CNTNAP2: variants seen among roughly 807,000 people sequenced by gnomAD.
CNTNAP2 encodes contactin associated protein 2, also known as contactin-associated protein-like 2.
In CNTNAP2, 98 loss-of-function variants were observed where a neutral mutation model predicts 155.2. That is an observed-to-expected ratio of 0.63 (90% confidence interval 0.54 to 0.75). The LOEUF (loss-of-function observed/expected upper bound fraction) is 0.75. CNTNAP2 is among the 30% of genes least tolerant of loss of function. CNTNAP2 has a pLI of 0.00. For missense variants in CNTNAP2, 1,727 were observed against 1,688.1 expected (o/e 1.02, Z -0.40); for synonymous variants, 651 against 631.2 (o/e 1.03, Z -0.47).
At chr7:146,152,022 C>T (rs1798060176) in intron 1 of CNTNAP2, among the ~76,000 whole-genome samples, 2 of 151,236 alleles carry the variant, frequency 1.3e-5, no homozygotes, top group Non-Finnish European at 2.9e-5. Flanking sequence ...AGTATATAGT[C>T]AAAGGAAATA....
At chr7:147,500,802 A>G (rs1418843959) in intron 11 of CNTNAP2, among the ~76,000 whole-genome samples, 2 of 152,144 alleles carry the variant, frequency 1.3e-5, no homozygotes, top group African/African-American at 2.4e-5. Flanking sequence ...TCATTTGGTA[A>G]TGTTCCTGAT....
At chr7:146,135,367 A>C (rs1797781979) in intron 1 of CNTNAP2, among the ~76,000 whole-genome samples, 1 of 152,134 alleles carries the variant, frequency 6.6e-6, no homozygotes, top group Non-Finnish European at 1.5e-5. Context: ...TAGACAATTT[A>C]TATAATCTCT....
chr7:146,826,708 G>T (rs1288980410), intron 2 of CNTNAP2, among the ~76,000 whole-genome samples: 1 of 152,002 alleles, frequency 6.6e-6, no homozygotes, highest in East Asian at 1.9e-4. Flanking sequence ...TCCTAGTGTG[G>T]TCCACTCTGA....
chr7:147,902,219 C>T (rs541845560), intron 13 of CNTNAP2, among the ~76,000 whole-genome samples: 3 of 152,200 alleles, frequency 2.0e-5, no homozygotes, highest in African/African-American at 7.2e-5. Context: ...GGTACATATT[C>T]CCATGAGAAA....
chr7:146,878,655 G>A (rs1387992952), intron 3 of CNTNAP2, among the ~76,000 whole-genome samples: 7 of 151,966 alleles, frequency 4.6e-5, no homozygotes, highest in African/African-American at 7.2e-5. Flanking sequence ...AATTGACAGC[G>A]CCTGTTTCTC....
At chr7:147,154,989 A>G (rs1222911222) in intron 8 of CNTNAP2, among the ~76,000 whole-genome samples, 1 of 152,212 alleles carries the variant, frequency 6.6e-6, no homozygotes, top group Non-Finnish European at 1.5e-5. Flanking sequence ...GGCTAAAAAG[A>G]CATCGGCAGA....
At chr7:147,023,571 C>A (rs1160402262) in intron 3 of CNTNAP2, among the ~76,000 whole-genome samples, 1 of 152,176 alleles carries the variant, frequency 6.6e-6, no homozygotes, top group Admixed American at 6.5e-5. Flanking sequence ...TGTAGCCTCA[C>A]ATACTTCCAC....
intron 10 of CNTNAP2, among the ~76,000 whole-genome samples, chr7:147,471,723 C>T (rs1798218356): frequency 6.6e-6 from 1 of 152,142 alleles, no homozygotes; most frequent in Non-Finnish European, 1.5e-5. Flanking sequence ...AGACAGTATT[C>T]TAGGCAAGGG....
intron 5 of CNTNAP2, among the ~76,000 whole-genome samples, chr7:147,120,581 AT>A (rs1003173603): frequency 1.3e-5 from 2 of 151,952 alleles, no homozygotes; most frequent in African/African-American, 2.4e-5. Context: ...AACATAAAGT[AT>A]TTTTTTACTA....
chr7:147,258,114 A>C (rs1804371961), intron 8 of CNTNAP2, among the ~76,000 whole-genome samples: 1 of 152,248 alleles, frequency 6.6e-6, no homozygotes, highest in Admixed American at 6.5e-5. Flanking sequence ...AAGAAACCAC[A>C]GGAAATGCAA....
chr7:147,306,513 A>G (rs774963182), intron 9 of CNTNAP2, among the ~76,000 whole-genome samples: 4 of 152,240 alleles, frequency 2.6e-5, no homozygotes, highest in East Asian at 1.9e-4. Flanking sequence ...GTCCATATGC[A>G]TAAGAGAGAG....
chr7:146,969,640 CT>C (rs71165055), intron 3 of CNTNAP2, among the ~76,000 whole-genome samples: 50,682 of 151,566 alleles, frequency 0.33, 9,235 homozygotes, highest in Middle Eastern at 0.41. Context: ...CAACCCCTGC[CT>C]TTTTTTTGGT....
intron 12 of CNTNAP2, among the ~76,000 whole-genome samples, chr7:147,617,434 T>A (rs1367206295): frequency 6.6e-6 from 1 of 152,204 alleles, no homozygotes; most frequent in African/African-American, 2.4e-5. Flanking sequence ...GGCTTGTGGA[T>A]GCATGAATGA....
At chr7:147,808,429 C>G (rs1260293199) in intron 13 of CNTNAP2, among the ~76,000 whole-genome samples, 1 of 152,008 alleles carries the variant, frequency 6.6e-6, no homozygotes, top group Non-Finnish European at 1.5e-5. Context: ...CTACTGCATT[C>G]CCTCCTCCTC....
chr7:146,667,520 T>C (rs1800218197), intron 1 of CNTNAP2, among the ~76,000 whole-genome samples: 2 of 152,032 alleles, frequency 1.3e-5, no homozygotes, highest in African/African-American at 4.8e-5. Context: ...GTGTCGTTTG[T>C]ATTTTTATAG....
intron 15 of CNTNAP2, among the ~76,000 whole-genome samples, chr7:148,073,172 A>G (rs1215247036): frequency 6.6e-6 from 1 of 152,154 alleles, no homozygotes; most frequent in African/African-American, 2.4e-5. Context: ...GGTCTAATAC[A>G]CTGAAAACTT....
At chr7:146,451,880 C>CATACGTGTATACATATATACGTATATAT (rs71175650) in intron 1 of CNTNAP2, among the ~76,000 whole-genome samples, 1 of 106,254 alleles carries the variant, frequency 9.4e-6, no homozygotes, top group Non-Finnish European at 1.6e-5. Flanking sequence ...CGTATATATA[C>CATACGTGTATACATATATACGTATATAT]ACATATACAT....
At chr7:147,586,346 A>T (rs892896339) in intron 12 of CNTNAP2, among the ~76,000 whole-genome samples, 2 of 126,530 alleles carry the variant, frequency 1.6e-5, no homozygotes, top group Admixed American at 8.4e-5. Flanking sequence ...GAATTTCAAA[A>T]GAAAGGAGGG....
intron 10 of CNTNAP2, among the ~76,000 whole-genome samples, chr7:147,427,404 A>G (rs1440789426): frequency 2.0e-5 from 3 of 152,198 alleles, no homozygotes; most frequent in Admixed American, 2.0e-4. Context: ...ACAGATAGAG[A>G]TAAGATAAGG....
Sources: allele counts gnomAD v4.1 joint callset (sites outside exome capture counted in the v4.1 genomes callset), GRCh38; gene constraint gnomAD v4.1.1; transcripts MANE v1.5; gene names NCBI Gene and HGNC (gene_info 2026-07-23, HGNC 2026-07-21).